The following ABCB10 variants were observed in gnomAD, a reference collection of about 807,000 sequenced individuals.
ABCB10 encodes the protein ATP-binding cassette sub-family B member 10, mitochondrial.
ABCB10 carries 54 observed loss-of-function variants against 65.4 expected under a neutral mutation model. The ratio of observed to expected loss-of-function variants is 0.83; its 90% CI spans 0.66 to 1.04. The LOEUF (loss-of-function observed/expected upper bound fraction) is 1.04. Among genes scored for constraint, ABCB10 ranks in the 50% least tolerant of loss-of-function variants. The pLI is 0.00. For synonymous variants in ABCB10, 418 were observed against 406.5 expected, an observed-to-expected ratio of 1.03 and a Z score of -0.34; for missense variants, 846 against 976.6, an observed-to-expected ratio of 0.87 and a Z score of 1.78.
intron 8 of ABCB10, among the ~76,000 whole-genome samples, chr1:229,528,055 A>G (rs1179542892): frequency 6.6e-6 from 1 of 152,216 alleles, no homozygotes; most frequent in African/African-American, 2.4e-5. Context: ...GTGCTCAACA[A>G]AACTTGGTGA....
At chr1:229,540,041 T>C (rs1315652362) in intron 5 of ABCB10, among the ~76,000 whole-genome samples, 1 of 152,186 alleles carries the variant, frequency 6.6e-6, no homozygotes, top group Non-Finnish European at 1.5e-5. Context: ...GGAGGCCTTC[T>C]CCGGGCCACT....
intron 1 of ABCB10, chr1:229,550,005 T>C (rs1423440574): frequency 6.5e-6 from 1 of 152,938 alleles, no homozygotes; most frequent in Non-Finnish European, 1.5e-5. Flanking sequence ...TGCCTGGGAA[T>C]ACAAGGTGCT....
rs768931908 is a variant in ABCB10 at position 229,518,167 on chromosome 1, G to A, written c.*12C>T. 1 of 1,596,092 alleles carries A rather than the reference G, an allele frequency of 6.3e-7. No homozygotes were observed. Among genetic ancestry groups the A allele is most frequent in the Middle Eastern group, 1.7e-4 (1 of 6,034 alleles). ...CATTAAAGTCTCATATTGTTTACCA[G>A]TAATTGCTTCCTTATGCTGAAATAA... On this transcript the variant is annotated 3_prime_UTR_variant, in exon 13 of 13. Transcript: ENST00000344517.
intron 10 of ABCB10, 141 bp downstream of exon 10, chr1:229,525,795 G>A: frequency 2.0e-6 from 2 of 975,984 alleles, no homozygotes; most frequent in Non-Finnish European, 3.0e-6. Flanking sequence ...TTGCGCCACT[G>A]CCACTGCACT....
At chr1:229,533,403 T>A (rs1332177704) in intron 6 of ABCB10, among the ~76,000 whole-genome samples, 2 of 152,134 alleles carry the variant, frequency 1.3e-5, no homozygotes, top group African/African-American at 4.8e-5. Context: ...GGATTATAGG[T>A]GTAAGCCACC....
chr1:229,525,245 C>T (rs1662412390), intron 10 of ABCB10, among the ~76,000 whole-genome samples: 1 of 152,170 alleles, frequency 6.6e-6, no homozygotes, highest in East Asian at 1.9e-4. Context: ...CTTTCAATTT[C>T]AGCTTTGTTC....
chr1:229,556,372 CAAA>C (rs58690289), intron 1 of ABCB10, among the ~76,000 whole-genome samples: 2 of 88,738 alleles, frequency 2.3e-5, no homozygotes, highest in Non-Finnish European at 2.4e-5. Flanking sequence ...AACTCCATCT[CAAA>C]AAAAAAAAAA....
intron 8 of ABCB10, among the ~76,000 whole-genome samples, chr1:229,529,487 G>A (rs1280663938): frequency 1.4e-4 from 21 of 148,808 alleles, no homozygotes; most frequent in Admixed American, 1.3e-3. Context: ...TGGCTAACAC[G>A]GTGAAACCCC....
chr1:229,551,068 T>C lies in ABCB10; in HGVS notation c.518-1634A>G, dbSNP rs140747746. Among the ~76,000 whole-genome samples, 1,413 of 152,264 alleles carry C rather than the reference T, an allele frequency of 9.3e-3. 22 individuals carry two copies. Among genetic ancestry groups the C allele is most frequent in the African/African-American group, 0.032 (1,337 of 41,550 alleles). ...TGCTGGGATTGTGGGCATGAGCCAC[T>C]GCACCCAGCAAAAAGTATTACTGTT... is the stretch of plus-strand genomic sequence containing the variant. On this transcript the variant is annotated intron_variant, in intron 1 of 12. Transcript: ENST00000344517.
In ABCB10 at chr1:229,521,478, A is replaced by G. The variant is rs1414958594; in HGVS notation, c.1950+114T>C. 4 of 1,334,120 alleles carry G rather than the reference A, an allele frequency of 3.0e-6. No homozygotes were observed. The African/African-American group carries it at 4.5e-5, about 15-fold the overall frequency. The allele number at this position is 1,334,120 out of a possible 1,614,324, so 82.6% of individuals were successfully genotyped here. A position where few individuals can be genotyped will look rare whatever the true frequency, so the allele number is the denominator to read the frequency against. ...CTGTCACCCTCCCACTCCAAGAAAA[A>G]AAAAAAAACAAAAAACAGGAAAAGG... On this transcript the variant is annotated intron_variant, in intron 11 of 12. Transcript: ENST00000344517.
intron 10 of ABCB10, 38 bp downstream of exon 10, chr1:229,525,898 A>T (rs1662428092): frequency 6.4e-7 from 1 of 1,572,488 alleles, no homozygotes; most frequent in Admixed American, 2.0e-5. Flanking sequence ...AGTTCTTTGG[A>T]TATAGAGACT....
chr1:229,548,408 T>C (rs753109407), intron 2 of ABCB10, among the ~76,000 whole-genome samples: 6 of 152,248 alleles, frequency 3.9e-5, no homozygotes, highest in African/African-American at 9.6e-5. Flanking sequence ...AACCTTCAAA[T>C]GGCAAGAATT....
rs1421766695 is a variant in ABCB10 at position 229,542,259 on chromosome 1, T to C, written c.1034A>G (p.Asp345Gly). 1 of 1,613,876 alleles carries C rather than the reference T, an allele frequency of 6.2e-7. No individual in the cohort carries two copies. The highest frequency in any genetic ancestry group is 8.5e-7 in the Non-Finnish European group (1 of 1,180,002). The stretch of plus-strand genomic sequence containing the variant: ...TACCTGAGTGGCTTGTGCCAGGGAA[T>C]CCTGAGTGACTTTGGTCAGTTTCCG... ...YLRKLTKVTQ[D>G]SLAQATQLAE... is the part of the protein sequence containing the mutation. Residue 345 changes from aspartate (D) to glycine (G), a missense_variant, in exon 4 of 13, where the codon GAT becomes GGT. By Grantham distance (94) the Asp-to-Gly change is moderately conservative (BLOSUM62 -1). This residue lies in a region of ABCB10 where 632 missense variants were observed against 803.2 expected (regional missense o/e 0.79). Coordinates refer to ENST00000344517, the MANE Select transcript of ABCB10 (RefSeq NM_012089.3).
In ABCB10 at chr1:229,558,578, C is replaced by T; in HGVS notation, c.75G>A (p.Pro25=). ...PSPAEPGRLL[P]VACVWAAASR... is the part of the protein sequence containing the mutation. ...TGGCCGCGGCCCACACGCAGGCTAC[C>T]GGCAGGAGCCGACCTGGCTCGGCAG... The change falls in exon 1 of 13, where the codon CCG becomes CCA. Residue 25 remains proline (P), a synonymous_variant. Transcript: ENST00000344517. 1 of 1,443,932 alleles carries T rather than the reference C, an allele frequency of 6.9e-7. No homozygotes were observed. Among genetic ancestry groups the T allele is most frequent in the Non-Finnish European group, 9.1e-7 (1 of 1,100,474 alleles). The allele number at this position is 1,443,932 out of a possible 1,614,324, so 89.4% of individuals were successfully genotyped here. A position where few individuals can be genotyped will look rare whatever the true frequency, so the allele number is the denominator to read the frequency against.
rs151162017 is a variant in ABCB10, at chr1:229,556,595, G to A, written c.517+1541C>T. 1.1e-3 allele frequency among the ~76,000 whole-genome samples: 161 copies of A among 152,310 alleles called. 3 individuals are homozygous for A. The East Asian group carries it at 0.016, about 15-fold the overall frequency. On this transcript the variant is annotated intron_variant, in intron 1 of 12. Transcript: ENST00000344517. The stretch of plus-strand genomic sequence containing the variant: ...AACATACTAGCATGGCAGGATATCT[G>A]GGGACAGAGTGAGGGGTCACAGGAA...
intron 10 of ABCB10, among the ~76,000 whole-genome samples, chr1:229,525,253 T>C (rs1345867537): frequency 2.0e-5 from 3 of 152,196 alleles, no homozygotes; most frequent in South Asian, 2.1e-4. Flanking sequence ...TTCAGCTTTG[T>C]TCCTGATGCA....
At chr1:229,554,435 A>G (rs182659318) in intron 1 of ABCB10, among the ~76,000 whole-genome samples, 220 of 152,274 alleles carry the variant, frequency 1.4e-3, no homozygotes, top group African/African-American at 5.1e-3. Context: ...AGTTAGGGGT[A>G]CCTGTCCCAT....
At chr1:229,546,146 C>G (rs551774346) in intron 3 of ABCB10, among the ~76,000 whole-genome samples, 1 of 144,310 alleles carries the variant, frequency 6.9e-6, no homozygotes, top group Non-Finnish European at 1.5e-5. Context: ...CACTTCAGCC[C>G]GGATGACAGT....
intron 6 of ABCB10, among the ~76,000 whole-genome samples, chr1:229,536,759 C>T (rs949491147): frequency 2.0e-5 from 3 of 152,034 alleles, no homozygotes; most frequent in East Asian, 3.9e-4. Flanking sequence ...AGTTCAAGAC[C>T]AGCCTGGGAA....
Sources: allele counts gnomAD v4.1 joint callset (sites outside exome capture counted in the v4.1 genomes callset), GRCh38; gene constraint gnomAD v4.1.1; regional missense constraint gnomAD v4.1.1; transcripts MANE v1.5; gene names NCBI Gene and HGNC (gene_info 2026-07-23, HGNC 2026-07-21).